Variants in MACF1 observed in about 807,000 individuals in gnomAD.
MACF1 encodes the protein microtubule actin crosslinking factor 1.
A neutral mutation model predicts 854.8 loss-of-function variants in MACF1; 193 were observed. The observed-to-expected ratio is 0.23, with a 90% CI of 0.20 to 0.25. MACF1 has a LOEUF of 0.25. Ranked by LOEUF, MACF1 falls within the 10% of genes least tolerant of loss-of-function variation. The pLI is 1.00. For missense variants in MACF1, 7,722 were observed against 8,929.1 expected, an observed-to-expected ratio of 0.86 and a Z score of 5.45; for synonymous variants, 3,185 against 3,226.7, an observed-to-expected ratio of 0.99 and a Z score of 0.44.
At chr1:39,327,586 T>G (rs1048087990) in intron 36 of MACF1, among the ~76,000 whole-genome samples, 1 of 152,238 alleles carries the variant, frequency 6.6e-6, no homozygotes, top group African/African-American at 2.4e-5. Flanking sequence ...CTGGTTCACC[T>G]TTTTTGTCTT....
In MACF1 at chr1:39,105,644, T is replaced by C. The variant is rs1391300208; in HGVS notation, c.220+21206T>C. ...CGGCCATGGCCGGCTACGTGCCGGG[T>C]CAGCAGCCGGCCAACCGCAGCCAGG... On this transcript the variant is annotated intron_variant, in intron 2 of 93. Transcript: ENST00000361689. The surrounding 1 kb of genome is among the most constrained non-coding windows in gnomAD (Gnocchi z 5.9). 5.7e-6 allele frequency: 7 copies of C among 1,233,272 alleles called. No homozygotes were observed. The highest frequency in any genetic ancestry group is 8.6e-5 in the East Asian group (1 of 11,632). The allele number at this position is 1,233,272 out of a possible 1,614,324, so 76.4% of individuals were successfully genotyped here.
chr1:39,202,562 G>A (rs1644404101), upstream of MACF1, among the ~76,000 whole-genome samples: 1 of 151,650 alleles, frequency 6.6e-6, no homozygotes, highest in African/African-American at 2.4e-5. Flanking sequence ...TTGAAGCCGG[G>A]AGGCACAGGT....
chr1:39,178,071 TCTC>T (rs1324926319), intron 2 of MACF1, among the ~76,000 whole-genome samples: 3 of 151,994 alleles, frequency 2.0e-5, no homozygotes, highest in Non-Finnish European at 2.9e-5. Flanking sequence ...CCCATTGTCT[TCTC>T]CTTACAAATT....
At chr1:39,276,228 C>T (rs1645434155) in intron 6 of MACF1, among the ~76,000 whole-genome samples, 1 of 152,072 alleles carries the variant, frequency 6.6e-6, no homozygotes, top group South Asian at 2.1e-4. Context: ...CCCTCATTTG[C>T]TTCTTGAAAG....
chr1:39,337,295 CCTGG>C lies in MACF1; in HGVS notation c.10181_10184del (p.Leu3394GlnfsTer13). On this transcript the variant is annotated frameshift_variant, in exon 38 of 101. Coordinates refer to ENST00000564288, the MANE Select transcript of MACF1 (RefSeq NM_001394062.1). LOFTEE classifies it high-confidence loss of function. ...AACAGATTCAACCTTTGGAGCTAAA[CCTGG>C]CAGAACTACAGGATCTGCTGTGTCA... 6.2e-7 allele frequency: 1 copy of C among 1,614,136 alleles called. No homozygotes were observed. Among genetic ancestry groups the C allele is most frequent in the Non-Finnish European group, 8.5e-7 (1 of 1,180,002 alleles).
At position 39,372,557 on chromosome 1, in the gene MACF1, A is replaced by G. The variant is rs757989874; in HGVS notation, c.13174A>G (p.Ile4392Val). Reference protein sequence around the residue: ...NCKGTSLENLIMEITAPDSQG... With the variant: ...NCKGTSLENLVMEITAPDSQG... ...CAAAGGTACTTCTTTAGAAAATCTC[A>G]TCATGGAAATCACAGCACCTGATTC... The change falls in exon 52 of 101, where the codon ATC becomes GTC. Residue 4392 changes from isoleucine (I) to valine (V), a missense_variant. Physicochemically the swap from Ile to Val is conservative, Grantham distance 29 (BLOSUM62 3). Coordinates refer to ENST00000564288, the MANE Select transcript of MACF1 (RefSeq NM_001394062.1). 23 of 1,611,894 alleles carry G rather than the reference A, an allele frequency of 1.4e-5. No homozygotes were observed. The highest frequency in any genetic ancestry group is 2.0e-5 in the Non-Finnish European group (23 of 1,178,080).
chr1:39,397,148 A>G (rs1386202350), intron 58 of MACF1, among the ~76,000 whole-genome samples: 1 of 152,124 alleles, frequency 6.6e-6, no homozygotes, highest in Non-Finnish European at 1.5e-5. Flanking sequence ...TGTGGTGGGT[A>G]CTGGAGTCTC....
At chr1:39,252,079 C>T (rs549397610) in intron 4 of MACF1, 138 bp downstream of exon 4, 204 of 488,422 alleles carry the variant, frequency 4.2e-4, no homozygotes, top group Admixed American at 1.0e-3. Context: ...AATTTGGGTC[C>T]CAAAGAAAGT....
intron 4 of MACF1, 64 bp downstream of exon 4, chr1:39,252,005 T>C (rs1316629919): frequency 2.7e-6 from 3 of 1,116,758 alleles, no homozygotes; most frequent in Non-Finnish European, 3.6e-6. Context: ...GCCATCAGAG[T>C]CTGAGGTTCT....
chr1:39,116,314 ACTCT>A (rs1642542201), intron 2 of MACF1, among the ~76,000 whole-genome samples: 1 of 151,862 alleles, frequency 6.6e-6, no homozygotes, highest in Non-Finnish European at 1.5e-5. Context: ...TGATGCTCAT[ACTCT>A]CTCTATGAAG....
In MACF1 at chr1:39,322,448, G is replaced by A. The variant is rs190490296; in HGVS notation, c.4030-160G>A. ...CACTTATAATGAGAGAGATAGTATG[G>A]CCTGATATTTTCTGTCTGGCCTTTT... On this transcript the variant is annotated intron_variant, in intron 31 of 100. Transcript: ENST00000564288. 2.9e-4 allele frequency among the ~76,000 whole-genome samples: 44 copies of A among 152,192 alleles called. 1 individual carries two copies. Among genetic ancestry groups the A allele is most frequent in the African/African-American group, 1.1e-3 (44 of 41,514 alleles).
Position 39,426,229 on chromosome 1 carries a change from A to C in MACF1, c.16317-1226A>C, listed in dbSNP as rs568816541. Reference sequence around the variant, plus strand: ...AACTAGGAAAGAAAGTTTTAGACTTAGATTGCCACTTAAAAAATATGTTTT... The same window carrying C: ...AACTAGGAAAGAAAGTTTTAGACTTCGATTGCCACTTAAAAAATATGTTTT... On this transcript the variant is annotated intron_variant, in intron 61 of 100. Coordinates refer to ENST00000564288, the MANE Select transcript of MACF1 (RefSeq NM_001394062.1). Among the ~76,000 whole-genome samples the C allele has an allele frequency of 3.9e-5, 6 of 152,358 alleles. No homozygotes were observed. The East Asian group carries it at 1.2e-3, about 29-fold the overall frequency.
At chr1:39,424,894 C>A (rs1320988970) in intron 61 of MACF1, among the ~76,000 whole-genome samples, 1 of 152,146 alleles carries the variant, frequency 6.6e-6, no homozygotes, top group East Asian at 1.9e-4. Context: ...TTTACATTTC[C>A]TAGGTAGCCT....
At chr1:39,227,972 T>C (rs1226711212) in intron 1 of MACF1, among the ~76,000 whole-genome samples, 1 of 152,208 alleles carries the variant, frequency 6.6e-6, no homozygotes, top group African/African-American at 2.4e-5. Flanking sequence ...ATGAGCACTC[T>C]GTGCTTACCT....
chr1:39,233,793 T>TA (rs1557533275), intron 2 of MACF1, among the ~76,000 whole-genome samples: 6 of 89,470 alleles, frequency 6.7e-5, no homozygotes, highest in African/African-American at 1.9e-4. Context: ...TTTTTTTTTT[T>TA]TTTTATTTAT....
intron 2 of MACF1, among the ~76,000 whole-genome samples, chr1:39,194,913 T>TA (rs899609254): frequency 8.6e-5 from 13 of 151,962 alleles, no homozygotes; most frequent in Non-Finnish European, 1.9e-4. Context: ...AGGGTGGTCT[T>TA]AAACTCCTGT....
intron 2 of MACF1, among the ~76,000 whole-genome samples, chr1:39,184,969 A>G (rs1644147889): frequency 6.6e-6 from 1 of 152,198 alleles, no homozygotes; most frequent in Non-Finnish European, 1.5e-5. Flanking sequence ...CCACCAAAAA[A>G]GTAGAAGATA....
chr1:39,183,008 A>G (rs183943619), intron 2 of MACF1, among the ~76,000 whole-genome samples: 8 of 152,350 alleles, frequency 5.3e-5, no homozygotes, highest in Admixed American at 5.2e-4. Context: ...CATACAACAG[A>G]ATATTATTTG....
At chr1:39,454,803 A>C in intron 88 of MACF1, 106 bp from the exon 89 acceptor site, 1 of 1,046,912 alleles carries the variant, frequency 9.6e-7, no homozygotes, top group East Asian at 2.6e-5. Context: ...CTGTCTCCAA[A>C]AAAATAAAAT....
Sources: allele counts gnomAD v4.1 joint callset (sites outside exome capture counted in the v4.1 genomes callset), GRCh38; gene constraint gnomAD v4.1.1; non-coding constraint Gnocchi (gnomAD v3.1); transcripts MANE v1.5; gene names NCBI Gene and HGNC (gene_info 2026-07-23, HGNC 2026-07-21).